DNM1L: variants seen among roughly 807,000 people sequenced by gnomAD.
DNM1L encodes the protein dynamin-1-like protein.
In DNM1L, 33 loss-of-function variants were observed where a neutral mutation model predicts 92.8. The observed-to-expected ratio is 0.36, with a 90% CI of 0.27 to 0.48. The LOEUF (loss-of-function observed/expected upper bound fraction) is 0.48. Among genes scored for constraint, DNM1L ranks in the 20% least tolerant of loss-of-function variants. The probability of loss-of-function intolerance (pLI) is 0.99; values close to 1 mark genes in which losing one functional copy is unlikely to be tolerated. For synonymous variants in DNM1L, 284 were observed against 305.0 expected, an observed-to-expected ratio of 0.93 and a Z score of 0.72; for missense variants, 485 against 888.8, an observed-to-expected ratio of 0.55 and a Z score of 5.78.
intron 12 of DNM1L, 197 bp from the exon 13 acceptor site, chr12:32,733,518 G>A: frequency 3.6e-6 from 2 of 562,146 alleles, no homozygotes; most frequent in South Asian, 2.3e-5. Context: ...ATGCTGAAAT[G>A]TAAATAATTT....
rs767021397 is a variant in DNM1L, at chr12:32,737,907, C to G, written c.1639C>G (p.Pro547Ala). 6.8e-6 allele frequency: 11 copies of G among 1,613,956 alleles called. No individual in the cohort carries two copies. The South Asian group carries it at 1.2e-4, about 18-fold the overall frequency. The change falls in exon 15 of 20, where the codon CCC (proline) becomes GCC (alanine). Residue 547 changes from proline (P) to alanine (A), a missense_variant. Pro to Ala is a conservative substitution (Grantham distance 27). This residue lies in a region of DNM1L where 65 missense variants were observed against 59.4 expected (regional missense o/e 1.09). Transcript: ENST00000549701. ...TGCTTTGGCACCTGCCTCCCAGGAG[C>G]CCTCCCCCGCTGCTTCTGCTGAGGC... ...PSALAPASQE[P>A]SPAASAEADG... is the part of the protein sequence containing the mutation.
At chr12:32,718,221 A>C (rs1376557452) in intron 6 of DNM1L, among the ~76,000 whole-genome samples, 1 of 150,022 alleles carries the variant, frequency 6.7e-6, no homozygotes, top group East Asian at 1.9e-4. Context: ...AGCTCACTGC[A>C]ACCTCTGCCT....
At chr12:32,739,677 T>C (rs1486094948) in intron 16 of DNM1L, among the ~76,000 whole-genome samples, 1 of 152,250 alleles carries the variant, frequency 6.6e-6, no homozygotes, top group Non-Finnish European at 1.5e-5. Context: ...CTTAAGAAAT[T>C]AAACTGAATA....
intron 18 of DNM1L, 40 bp downstream of exon 18, chr12:32,740,558 C>A: frequency 6.7e-7 from 1 of 1,494,278 alleles, no homozygotes; most frequent in Non-Finnish European, 9.3e-7. Flanking sequence ...TTTAATACTT[C>A]TGGATGATTC....
At chr12:32,695,758 T>C (rs536825263) in intron 1 of DNM1L, among the ~76,000 whole-genome samples, 2 of 152,018 alleles carry the variant, frequency 1.3e-5, no homozygotes, top group South Asian at 4.2e-4. Flanking sequence ...GGCAACAGAG[T>C]GAGACCTTGT....
chr12:32,721,390 G>T (rs10844316), intron 8 of DNM1L, among the ~76,000 whole-genome samples: 21,505 of 151,794 alleles, frequency 0.14, 1,565 homozygotes, highest in Middle Eastern at 0.19. Flanking sequence ...ACTTTGCTGG[G>T]TACCAATTGT....
At chr12:32,688,414 TTTCTC>T (rs1332042227) in intron 1 of DNM1L, among the ~76,000 whole-genome samples, 5 of 152,210 alleles carry the variant, frequency 3.3e-5, no homozygotes, top group Non-Finnish European at 5.9e-5. Context: ...TATGGTTTCT[TTTCTC>T]TTTTCTTTCT....
intron 6 of DNM1L, among the ~76,000 whole-genome samples, chr12:32,717,383 A>G (rs1269983682): frequency 2.3e-5 from 2 of 86,524 alleles, no homozygotes; most frequent in East Asian, 2.8e-4. Flanking sequence ...TACTATATAT[A>G]ATATATAGTA....
At chr12:32,684,125 G>A (rs536214251) in intron 1 of DNM1L, among the ~76,000 whole-genome samples, 63 of 152,208 alleles carry the variant, frequency 4.1e-4, no homozygotes, top group African/African-American at 1.4e-3. Flanking sequence ...TACCACCATA[G>A]TGTAATTCCA....
intron 16 of DNM1L, 76 bp downstream of exon 16, chr12:32,738,372 G>T (rs1418623359): frequency 1.3e-6 from 2 of 1,500,600 alleles, no homozygotes; most frequent in African/African-American, 1.4e-5. Flanking sequence ...CACCATTAAA[G>T]AACCTGTTTG....
At chr12:32,724,576 CAAAAAAA>C (rs10535838) in intron 9 of DNM1L, among the ~76,000 whole-genome samples, 16 of 95,922 alleles carry the variant, frequency 1.7e-4, no homozygotes, top group African/African-American at 2.6e-4. Flanking sequence ...ACTCTATCTC[CAAAAAAA>C]AAAAAAAAAA....
chr12:32,727,281 G>C (rs1954213678), intron 9 of DNM1L: 1 of 1,291,054 alleles, frequency 7.7e-7, no homozygotes. Flanking sequence ...ATAGAATTTG[G>C]CTTCTATCTG....
intron 13 of DNM1L, among the ~76,000 whole-genome samples, chr12:32,736,436 G>A (rs1954886003): frequency 6.6e-6 from 1 of 152,060 alleles, no homozygotes; most frequent in African/African-American, 2.4e-5. Flanking sequence ...ATTCTAATTT[G>A]AATTTGTCAG....
intron 6 of DNM1L, among the ~76,000 whole-genome samples, chr12:32,716,683 T>C (rs1327166298): frequency 1.3e-5 from 2 of 149,262 alleles, no homozygotes; most frequent in Non-Finnish European, 3.0e-5. Context: ...AAAAATTACA[T>C]GTGAAAAAAA....
chr12:32,733,622 T>C (rs1954700138), intron 12 of DNM1L, 93 bp from the exon 13 acceptor site: 3 of 994,246 alleles, frequency 3.0e-6, no homozygotes, highest in Non-Finnish European at 4.8e-6. Context: ...ACTTTTTCGG[T>C]ATTGTCTGTT....
chr12:32,720,438 T>A (rs1953751969), intron 7 of DNM1L, among the ~76,000 whole-genome samples: 1 of 152,228 alleles, frequency 6.6e-6, no homozygotes. Flanking sequence ...TTAGTTCAAG[T>A]CTTGGCTATG....
At chr12:32,737,395 C>A in intron 14 of DNM1L, 1 of 497,352 alleles carries the variant, frequency 2.0e-6, no homozygotes, top group Non-Finnish European at 3.6e-6. Flanking sequence ...TTTATTTAAG[C>A]ATTTAAGCAT....
chr12:32,701,662 A>G (rs1006838837), intron 2 of DNM1L, 100 bp downstream of exon 2: 7 of 1,080,744 alleles, frequency 6.5e-6, no homozygotes, highest in Non-Finnish European at 9.8e-6. Flanking sequence ...TAGTGACTGT[A>G]GCATAGTTAG....
rs1158888498 is a variant in DNM1L, at chr12:32,741,295, G to C, written c.1994+777G>C. On this transcript the variant is annotated intron_variant, in intron 18 of 19. Coordinates refer to ENST00000549701, the MANE Select transcript of DNM1L (RefSeq NM_012062.5). ...TTCCTTGCCCCCATCCTCTGCAGAA[G>C]GTGTTTTTGAGATGGAGTCTCGCTT... 2.0e-5 allele frequency among the ~76,000 whole-genome samples: 3 copies of C among 152,160 alleles called. No individual in the cohort carries two copies. In the East Asian group the frequency reaches 5.8e-4, roughly 29 times the overall value.
Sources: gnomAD v4.1 joint callset for allele counts (sites outside exome capture counted in the v4.1 genomes callset) on GRCh38, gnomAD v4.1.1 for gene constraint, gnomAD v4.1.1 regional missense constraint, MANE v1.5 for transcripts, NCBI Gene and HGNC (gene_info 2026-07-23, HGNC 2026-07-21) for gene names.